Variants in PIGY observed in about 807,000 individuals in gnomAD.
PIGY encodes the protein phosphatidylinositol glycan anchor biosynthesis class Y.
A neutral mutation model predicts 4.1 loss-of-function variants in PIGY; 3 were observed. The observed-to-expected ratio is 0.73, with a 90% CI of 0.33 to 1.89. PIGY has a LOEUF of 1.89. Among genes scored for constraint, PIGY ranks in the 40% most tolerant of loss-of-function variants. The pLI, the probability that PIGY is intolerant of heterozygous loss-of-function variation, is 0.08. For synonymous variants in PIGY, 33 were observed against 31.4 expected, an observed-to-expected ratio of 1.05 and a Z score of -0.18; for missense variants, 78 against 80.3, an observed-to-expected ratio of 0.97 and a Z score of 0.11.
intron 1 of PIGY, among the ~76,000 whole-genome samples, chr4:88,522,716 G>A (rs1742414928): frequency 6.6e-6 from 1 of 152,106 alleles, no homozygotes; most frequent in Admixed American, 6.5e-5. Context: ...TTCAATTTTG[G>A]TAGCTTGGAA....
At chr4:88,523,335 C>T (rs1356932374) in intron 1 of PIGY, among the ~76,000 whole-genome samples, 163 bp downstream of exon 1, 1 of 152,216 alleles carries the variant, frequency 6.6e-6, no homozygotes, top group Non-Finnish European at 1.5e-5. Flanking sequence ...CGGTCTCCCC[C>T]GTCCTGCCCG....
At position 88,521,982 on chromosome 4, in the gene PIGY, G is replaced by A. The variant is rs1179904665; in HGVS notation, c.-193C>T. ...AGGGATCCCATCAATGATTGGATAA[G>A]CTATTCCCAACTCTTCATTAATCAA... On this transcript the variant is annotated 5_prime_UTR_variant, in exon 2 of 2. Transcript: ENST00000527353. The A allele has an allele frequency of 6.4e-7, 1 of 1,550,950 alleles. No homozygotes were observed. The highest frequency in any genetic ancestry group is 8.7e-7 in the Non-Finnish European group (1 of 1,146,580).
At position 88,521,860 on chromosome 4, in the gene PIGY, C is replaced by T. The variant is rs183273794; in HGVS notation, c.-71G>A. ...TGGTATTAAGAAAAGTTGGCTGTTG[C>T]GTTTTTTTAATTTTTTTAAATTATG... On this transcript the variant is annotated 5_prime_UTR_variant, in exon 2 of 2. Coordinates refer to ENST00000527353, the MANE Select transcript of PIGY (RefSeq NM_001042616.3). The T allele has an allele frequency of 5.2e-6, 8 of 1,547,998 alleles. No homozygotes were observed. The highest frequency in any genetic ancestry group is 2.8e-5 in the African/African-American group (2 of 72,496).
Position 88,521,636 on chromosome 4 carries a change from G to A in PIGY, c.154C>T (p.Pro52Ser). 2 of 1,613,978 alleles carry A rather than the reference G, an allele frequency of 1.2e-6. No individual in the cohort carries two copies. The highest frequency in any genetic ancestry group is 1.7e-6 in the Non-Finnish European group (2 of 1,179,850). ...FYSLLLPITI[P>S]VYVFFHLWTW... The stretch of plus-strand genomic sequence containing the variant: ...CAAAGGTGGAAGAATACATACACTG[G>A]TATGGTAATAGGCAAGAGCAGGCTG... The change falls in exon 2 of 2, where the codon CCA becomes TCA. Residue 52 changes from proline to serine, a missense_variant. By Grantham distance (74) the Pro-to-Ser change is moderately conservative. Transcript: ENST00000527353.
Position 88,521,886 on chromosome 4 carries a change from A to C in PIGY, c.-97T>G. 1 of 1,548,386 alleles carries C rather than the reference A, an allele frequency of 6.5e-7. No individual in the cohort carries two copies. Among genetic ancestry groups the C allele is most frequent in the South Asian group, 1.2e-5 (1 of 83,114 alleles). On this transcript the variant is annotated 5_prime_UTR_variant, in exon 2 of 2. Transcript: ENST00000527353. ...GTTTTTTTAATTTTTTTAAATTATG[A>C]ACTAGCGCTGCTCCACTTCTTCTTG...
At chr4:88,522,064 G>A in intron 1 of PIGY, 35 bp from the exon 2 acceptor site, 3 of 1,507,688 alleles carry the variant, frequency 2.0e-6, no homozygotes, top group Non-Finnish European at 2.7e-6. Flanking sequence ...AATGAGTTGT[G>A]GGAAAATAAA....
At chr4:88,522,703 A>G (rs770182194) in intron 1 of PIGY, among the ~76,000 whole-genome samples, 3 of 152,206 alleles carry the variant, frequency 2.0e-5, no homozygotes, top group Non-Finnish European at 4.4e-5. Context: ...AGTGTTGTCA[A>G]TATTCAATTT....
rs1055983988 is a variant in PIGY, at chr4:88,523,493, G to A, written c.-241+5C>T. The A allele has an allele frequency of 6.1e-5, 95 of 1,551,260 alleles. 2 individuals carry two copies. In the Admixed American group the frequency reaches 1.7e-3, roughly 27 times the overall value. On this transcript the variant is annotated splice_donor_5th_base_variant and intron_variant, in intron 1 of 1. Transcript: ENST00000527353. ...GCAAAGGAAGGGCCAAGGCCAGCGA[G>A]TTACCTGAGCGGCTTCTTGGAGAGC...
intron 1 of PIGY, among the ~76,000 whole-genome samples, chr4:88,522,653 A>G (rs1217376157): frequency 2.0e-5 from 3 of 152,242 alleles, no homozygotes; most frequent in Non-Finnish European, 4.4e-5. Flanking sequence ...ATAACCACTG[A>G]TAACATTTTG....
At chr4:88,522,752 T>C (rs184369756) in intron 1 of PIGY, among the ~76,000 whole-genome samples, 2 of 152,318 alleles carry the variant, frequency 1.3e-5, no homozygotes, top group Non-Finnish European at 2.9e-5. Context: ...TCCCAAAAAC[T>C]AGTTAAAGAG....
At chr4:88,522,292 T>C (rs1742398912) in intron 1 of PIGY, among the ~76,000 whole-genome samples, 1 of 152,256 alleles carries the variant, frequency 6.6e-6, no homozygotes, top group Admixed American at 6.5e-5. Context: ...CTTAATTTTT[T>C]TTCATACTAG....
At position 88,521,507 on chromosome 4, in the gene PIGY, T is replaced by C. The variant is rs987400672; in HGVS notation, c.*67A>G. ...TTCCCGCAAACTAAATTCCATCCAT[T>C]TGAGCTTTCAGAGATCGATGCCCAA... On this transcript the variant is annotated 3_prime_UTR_variant, in exon 2 of 2. Transcript: ENST00000527353. 1.4e-5 allele frequency: 20 copies of C among 1,393,728 alleles called. No homozygotes were observed. The highest frequency in any genetic ancestry group is 3.9e-5 in the Admixed American group (2 of 51,554). The allele number at this position is 1,393,728 out of a possible 1,614,324, so 86.3% of individuals were successfully genotyped here.
At position 88,521,949 on chromosome 4, in the gene PIGY, A is replaced by G. The variant is rs370422763; in HGVS notation, c.-160T>C. ...ACGTGTCATCCTAGCTGCCTGTGGT[A>G]TCATATTAGGGATCCCATCAATGAT... is the stretch of plus-strand genomic sequence containing the variant. On this transcript the variant is annotated 5_prime_UTR_variant, in exon 2 of 2. Coordinates refer to ENST00000527353, the MANE Select transcript of PIGY (RefSeq NM_001042616.3). 1.9e-6 allele frequency: 3 copies of G among 1,551,584 alleles called. No homozygotes were observed. The highest frequency in any genetic ancestry group is 2.6e-6 in the Non-Finnish European group (3 of 1,146,958).
intron 1 of PIGY, 92 bp from the exon 2 acceptor site, chr4:88,522,121 T>C (rs980122365): frequency 1.6e-6 from 2 of 1,228,014 alleles, no homozygotes; most frequent in East Asian, 2.6e-5. Context: ...TTTATCCAAT[T>C]TTTGGTACGG....
At position 88,521,861 on chromosome 4, in the gene PIGY, G is replaced by A. The variant is rs1365295916; in HGVS notation, c.-72C>T. The A allele has an allele frequency of 2.4e-5, 37 of 1,547,592 alleles. No individual in the cohort carries two copies. Among genetic ancestry groups the A allele is most frequent in the East Asian group, 4.8e-5 (2 of 41,514 alleles). On this transcript the variant is annotated 5_prime_UTR_variant, in exon 2 of 2. The change creates a new upstream start codon in the 5' untranslated region. Transcript: ENST00000527353. ...GGTATTAAGAAAAGTTGGCTGTTGC[G>A]TTTTTTTAATTTTTTTAAATTATGA...
chr4:88,523,432 G>T, intron 1 of PIGY, 66 bp downstream of exon 1: 1 of 1,510,728 alleles, frequency 6.6e-7, no homozygotes, highest in Non-Finnish European at 9.0e-7. Context: ...GCAAGAGGCC[G>T]CGGTCCACCG....
At position 88,523,716 on chromosome 4, in the gene PIGY, G is replaced by A. The variant is rs1280225032; in HGVS notation, c.-459C>T. 19 of 1,440,184 alleles carry A rather than the reference G, an allele frequency of 1.3e-5. No homozygotes were observed. In the Admixed American group the frequency reaches 4.4e-4, roughly 33 times the overall value. The allele number at this position is 1,440,184 out of a possible 1,614,324, so 89.2% of individuals were successfully genotyped here. A position where few individuals can be genotyped will look rare whatever the true frequency, so the allele number is the denominator to read the frequency against. On this transcript the variant is annotated 5_prime_UTR_variant, in exon 1 of 2. Transcript: ENST00000527353. ...CACTCAGCATGGTCTGGCAGCCGGA[G>A]ACCAGGCCTCACCGCAGCCTCGCCA...
Position 88,523,571 on chromosome 4 carries a change from C to T in PIGY, c.-314G>A, listed in dbSNP as rs1356211556. 14 of 1,550,566 alleles carry T rather than the reference C, an allele frequency of 9.0e-6. No individual in the cohort carries two copies. Among genetic ancestry groups the T allele is most frequent in the Non-Finnish European group, 1.2e-5 (14 of 1,146,854 alleles). On this transcript the variant is annotated 5_prime_UTR_variant, in exon 1 of 2. Coordinates refer to ENST00000527353, the MANE Select transcript of PIGY (RefSeq NM_001042616.3). ...GGATCGAAGTCGCGGGGCGGCTCCT[C>T]AGTCTTCTTGCCCCGGTCGGCCAAA... is the stretch of plus-strand genomic sequence containing the variant.
Position 88,521,516 on chromosome 4 carries a change from C to T in PIGY, c.*58G>A. On this transcript the variant is annotated 3_prime_UTR_variant, in exon 2 of 2. Coordinates refer to ENST00000527353, the MANE Select transcript of PIGY (RefSeq NM_001042616.3). ...ACTAAATTCCATCCATTTGAGCTTT[C>T]AGAGATCGATGCCCAAGAGCTATCA... The T allele has an allele frequency of 6.9e-7, 1 of 1,449,584 alleles. No homozygotes were observed. Among genetic ancestry groups the T allele is most frequent in the Admixed American group, 1.9e-5 (1 of 53,434 alleles). 89.8% of individuals were successfully genotyped at this position (1,449,584 alleles called of 1,614,324 possible).
Sources: allele counts gnomAD v4.1 joint callset (sites outside exome capture counted in the v4.1 genomes callset), GRCh38; gene constraint gnomAD v4.1.1; transcripts MANE v1.5; gene names NCBI Gene and HGNC (gene_info 2026-07-23, HGNC 2026-07-21).